The following SDK2 variants were observed in gnomAD, a reference collection of about 807,000 sequenced individuals.
SDK2 encodes protein sidekick-2.
A neutral mutation model predicts 253.9 loss-of-function variants in SDK2; 105 were observed. That is an observed-to-expected ratio of 0.41 (90% CI 0.35 to 0.49). SDK2 has a LOEUF of 0.49. Among genes scored for constraint, SDK2 ranks in the 20% least tolerant of loss-of-function variants. SDK2 has a pLI of 0.06. For missense variants in SDK2, 2,608 were observed against 3,003.0 expected (o/e 0.87, Z 3.07); for synonymous variants, 1,249 against 1,234.9 (o/e 1.01, Z -0.24).
intron 1 of SDK2, among the ~76,000 whole-genome samples, chr17:73,555,912 C>T (rs1213579874): frequency 6.6e-6 from 1 of 152,268 alleles, no homozygotes; most frequent in African/African-American, 2.4e-5. Flanking sequence ...CAGGGGGGAC[C>T]AGGGAGTCAG....
chr17:73,604,681 G>A (rs1176141981), intron 1 of SDK2, among the ~76,000 whole-genome samples: 1 of 152,190 alleles, frequency 6.6e-6, no homozygotes, highest in African/African-American at 2.4e-5. Context: ...ATAGCATTAG[G>A]GTTTCAGGCC....
chr17:73,446,080 G>A (rs2063451321), intron 5 of SDK2, among the ~76,000 whole-genome samples: 1 of 152,176 alleles, frequency 6.6e-6, no homozygotes, highest in South Asian at 2.1e-4. Context: ...GGAAGGCCCC[G>A]ACTCTGTCTC....
At chr17:73,341,398 T>C (rs912644847) in intron 44 of SDK2, among the ~76,000 whole-genome samples, 13 of 151,948 alleles carry the variant, frequency 8.6e-5, no homozygotes, top group African/African-American at 3.1e-4. Context: ...CCAGCAATGT[T>C]TTGAGAGCTA....
chr17:73,533,408 G>A (rs1037704282), intron 1 of SDK2, among the ~76,000 whole-genome samples: 7 of 152,232 alleles, frequency 4.6e-5, no homozygotes, highest in Non-Finnish European at 7.3e-5. Context: ...AGTCTGTCTG[G>A]TCATTGGGCA....
intron 1 of SDK2, among the ~76,000 whole-genome samples, chr17:73,573,592 G>C (rs2045417414): frequency 6.6e-6 from 1 of 152,104 alleles, no homozygotes; most frequent in Non-Finnish European, 1.5e-5. Flanking sequence ...TCTAACTGCT[G>C]CTCACCACCC....
At position 73,498,714 on chromosome 17, in the gene SDK2, G is replaced by A. The variant is rs940817982; in HGVS notation, c.224+8724C>T. Among the ~76,000 whole-genome samples the A allele has an allele frequency of 4.0e-4, 61 of 152,194 alleles. 1 individual carries two copies. The highest frequency in any genetic ancestry group is 3.8e-3 in the Admixed American group (58 of 15,286). Reference sequence around the variant, plus strand: ...TGATGTTAAGGGATTCAGAAGAACCGAAGTAAAAGTCGCAGTGTGGGGCCT... The same window carrying A: ...TGATGTTAAGGGATTCAGAAGAACCAAAGTAAAAGTCGCAGTGTGGGGCCT... On this transcript the variant is annotated intron_variant, in intron 2 of 44. Coordinates refer to ENST00000392650, the MANE Select transcript of SDK2 (RefSeq NM_001144952.2).
intron 12 of SDK2, among the ~76,000 whole-genome samples, chr17:73,425,957 C>G (rs1011965978): frequency 2.0e-5 from 3 of 152,182 alleles, no homozygotes; most frequent in Non-Finnish European, 4.4e-5. Context: ...CGGTCAGTAA[C>G]AGTTAGCCTT....
intron 1 of SDK2, among the ~76,000 whole-genome samples, chr17:73,543,790 G>A (rs2044910373): frequency 6.6e-6 from 1 of 152,230 alleles, no homozygotes; most frequent in South Asian, 2.1e-4. Context: ...GAATCCCAAG[G>A]TGCAGGGGGA....
chr17:73,464,879 A>G (rs927431762), intron 3 of SDK2, among the ~76,000 whole-genome samples: 5 of 152,130 alleles, frequency 3.3e-5, no homozygotes, highest in African/African-American at 1.2e-4. Context: ...TAACCTATAT[A>G]TTATACATTC....
At position 73,368,424 on chromosome 17, in the gene SDK2, C is replaced by A; in HGVS notation, c.5150G>T (p.Gly1717Val). ...GDGPRSTPTQ[G>V]QTQQAAPSAP... ...TCTCCCACCTGCTTGCTGGGTCTGGCCTTGGGTGGGGGTGCTCCGAGGCCC... is the reference window on the plus strand; with the variant it reads ...TCTCCCACCTGCTTGCTGGGTCTGGACTTGGGTGGGGGTGCTCCGAGGCCC... Residue 1717 changes from glycine (G) to valine (V), a missense_variant, in exon 37 of 45, where the codon GGC becomes GTC. Gly to Val is a moderately radical substitution (Grantham distance 109, BLOSUM62 -3). This residue lies in a region of SDK2 where 1,103 missense variants were observed against 1,143.9 expected (regional missense o/e 0.96). Coordinates refer to ENST00000392650, the MANE Select transcript of SDK2 (RefSeq NM_001144952.2). 1.3e-6 allele frequency: 2 copies of A among 1,576,530 alleles called. No individual in the cohort carries two copies. The highest frequency in any genetic ancestry group is 2.3e-5 in the South Asian group (2 of 85,430).
chr17:73,605,018 GAAGA>G (rs1279331999), intron 1 of SDK2, among the ~76,000 whole-genome samples: 1 of 152,216 alleles, frequency 6.6e-6, no homozygotes. Flanking sequence ...TGAAAGCTGA[GAAGA>G]AAGGAGAGGC....
intron 1 of SDK2, among the ~76,000 whole-genome samples, chr17:73,628,423 G>A (rs533415764): frequency 1.3e-5 from 2 of 152,358 alleles, no homozygotes; most frequent in African/African-American, 4.8e-5. Flanking sequence ...GATTGGAGGG[G>A]CAGATCCACA....
Position 73,438,017 on chromosome 17 carries a change from A to G in SDK2, c.863T>C (p.Leu288Pro). 6.4e-7 allele frequency: 1 copy of G among 1,551,572 alleles called. No homozygotes were observed. Among genetic ancestry groups the G allele is most frequent in the Non-Finnish European group, 8.7e-7 (1 of 1,147,016 alleles). ...DAGYYECEAV[L>P]RSSSVPSVVR... ...AACAGAGGGGACGCTGCTGCTGCGCAGGACAGCCTCACACTCGTAGTAGCC... is the reference window on the plus strand; with the variant it reads ...AACAGAGGGGACGCTGCTGCTGCGCGGGACAGCCTCACACTCGTAGTAGCC... Residue 288 changes from leucine to proline, a missense_variant, in exon 7 of 45, where the codon CTG becomes CCG. Leu to Pro is a moderately conservative substitution (Grantham distance 98). Coordinates refer to ENST00000392650, the MANE Select transcript of SDK2 (RefSeq NM_001144952.2).
intron 2 of SDK2, among the ~76,000 whole-genome samples, chr17:73,479,915 A>T (rs2145708761): frequency 6.6e-6 from 1 of 151,736 alleles, no homozygotes; most frequent in South Asian, 2.1e-4. Flanking sequence ...CTGATCTTGA[A>T]CTCCTGACCT....
At chr17:73,357,484 G>C (rs779283056) in intron 40 of SDK2, 1 of 187,418 alleles carries the variant, frequency 5.3e-6, no homozygotes, top group African/African-American at 2.4e-5. Context: ...AGCAACGCAG[G>C]GAGCTGGCAG....
At chr17:73,561,240 T>A (rs753938611) in intron 1 of SDK2, among the ~76,000 whole-genome samples, 9 of 152,116 alleles carry the variant, frequency 5.9e-5, no homozygotes, top group Non-Finnish European at 1.3e-4. Flanking sequence ...ATTACGGGGT[T>A]GGTAGGGCCG....
intron 1 of SDK2, among the ~76,000 whole-genome samples, chr17:73,617,089 C>T (rs929701919): frequency 2.0e-5 from 3 of 151,940 alleles, no homozygotes; most frequent in Admixed American, 6.5e-5. Context: ...GAGCTGACCT[C>T]GCACTGAGCA....
At chr17:73,499,964 T>C (rs1599624125) in intron 2 of SDK2, among the ~76,000 whole-genome samples, 1 of 152,050 alleles carries the variant, frequency 6.6e-6, no homozygotes, top group Non-Finnish European at 1.5e-5. Flanking sequence ...ATTTTAAGTG[T>C]GAGAATAATT....
intron 1 of SDK2, among the ~76,000 whole-genome samples, chr17:73,509,569 C>T (rs971669670): frequency 3.4e-5 from 5 of 148,936 alleles, no homozygotes; most frequent in Admixed American, 2.0e-4. Context: ...GTGGGAGGAT[C>T]GCTTGAGGCC....
Sources: allele counts gnomAD v4.1 joint callset (sites outside exome capture counted in the v4.1 genomes callset), GRCh38; gene constraint gnomAD v4.1.1; regional missense constraint gnomAD v4.1.1; transcripts MANE v1.5; gene names NCBI Gene and HGNC (gene_info 2026-07-23, HGNC 2026-07-21).